RBFOX1: variants seen among roughly 807,000 people sequenced by gnomAD.
RBFOX1 encodes RNA binding protein fox-1 homolog 1.
Under a neutral mutation model 57.7 loss-of-function variants are expected in RBFOX1, and 8 were observed. The observed-to-expected ratio is 0.14, with a 90% CI of 0.08 to 0.25. The LOEUF (loss-of-function observed/expected upper bound fraction) is 0.25, where lower values mean the gene tolerates loss of function less well. Ranked by LOEUF, RBFOX1 falls within the 10% of genes least tolerant of loss-of-function variation. The pLI, the probability that RBFOX1 is intolerant of heterozygous loss-of-function variation, is 1.00. For missense variants in RBFOX1, 611 were observed against 548.5 expected, an observed-to-expected ratio of 1.11 and a Z score of -1.14; for synonymous variants, 326 against 222.4, an observed-to-expected ratio of 1.47 and a Z score of -4.15.
At chr16:7,389,105 C>T (rs191214417) in intron 4 of RBFOX1, among the ~76,000 whole-genome samples, 1 of 152,016 alleles carries the variant, frequency 6.6e-6, no homozygotes, top group Non-Finnish European at 1.5e-5. Flanking sequence ...ACAAGTTGGT[C>T]TATTTCTTTG....
intron 3 of RBFOX1, among the ~76,000 whole-genome samples, chr16:6,906,290 A>T (rs542668001): frequency 6.6e-6 from 1 of 151,342 alleles, no homozygotes; most frequent in East Asian, 2.0e-4. Context: ...TTAAATATTT[A>T]TGTCTGTTGG....
chr16:6,550,000 C>T (rs1038234820), intron 2 of RBFOX1, among the ~76,000 whole-genome samples: 1 of 152,096 alleles, frequency 6.6e-6, no homozygotes. Flanking sequence ...TGAACATTGT[C>T]TAAGAGGGGT....
intron 3 of RBFOX1, among the ~76,000 whole-genome samples, chr16:6,711,439 A>G (rs115421521): frequency 0.016 from 2,428 of 152,274 alleles, 82 homozygotes; most frequent in African/African-American, 0.055. Context: ...CTCATCTTGA[A>G]TGGTAATCCC....
intron 4 of RBFOX1, among the ~76,000 whole-genome samples, chr16:5,913,877 T>C (rs2058654600): frequency 6.6e-6 from 1 of 152,250 alleles, no homozygotes; most frequent in South Asian, 2.1e-4. Flanking sequence ...TTTGGATATA[T>C]GAATGACATC....
At chr16:5,908,393 T>C (rs12917637) in intron 4 of RBFOX1, among the ~76,000 whole-genome samples, 70,599 of 145,086 alleles carry the variant, frequency 0.49, 18,662 homozygotes, top group African/African-American at 0.65. Context: ...GACTCTGTTG[T>C]CCAGGCTGGA....
At chr16:6,403,752 A>G (rs936146688) in intron 2 of RBFOX1, among the ~76,000 whole-genome samples, 6 of 152,154 alleles carry the variant, frequency 3.9e-5, no homozygotes, top group East Asian at 1.9e-4. Context: ...ATCGAGCCCT[A>G]TGTTCATGCA....
chr16:7,417,449 A>G (rs773375153), intron 4 of RBFOX1, among the ~76,000 whole-genome samples: 2 of 151,626 alleles, frequency 1.3e-5, no homozygotes, highest in Admixed American at 6.6e-5. Context: ...TATATAACCA[A>G]AGTACACCAC....
chr16:7,241,186 C>A lies in RBFOX1; in HGVS notation c.27+189088C>A, dbSNP rs575902203. Among the ~76,000 whole-genome samples, 3 of 152,270 alleles carry A rather than the reference C, an allele frequency of 2.0e-5. No individual in the cohort carries two copies. In the South Asian group the frequency reaches 6.2e-4, roughly 32 times the overall value. ...CCACTGGAGGATTGATTATTCATAA[C>A]CCTGAAATGTATTGCCCCACCTCTA... is the stretch of plus-strand genomic sequence containing the variant. On this transcript the variant is annotated intron_variant, in intron 4 of 15. Coordinates refer to ENST00000550418, the MANE Select transcript of RBFOX1 (RefSeq NM_018723.4).
chr16:6,842,385 CCTT>C (rs1018586395), intron 3 of RBFOX1, among the ~76,000 whole-genome samples: 178 of 152,164 alleles, frequency 1.2e-3, no homozygotes, highest in African/African-American at 4.0e-3. Context: ...GAAATGTTCT[CCTT>C]ATTTAATCCA....
chr16:6,128,224 A>T (rs2096604232), intron 1 of RBFOX1, among the ~76,000 whole-genome samples: 2 of 152,352 alleles, frequency 1.3e-5, no homozygotes, highest in South Asian at 4.1e-4. Flanking sequence ...TCAATATATT[A>T]TTTAATCAAT....
chr16:7,386,549 A>G (rs943987224), intron 4 of RBFOX1, among the ~76,000 whole-genome samples: 1 of 151,800 alleles, frequency 6.6e-6, no homozygotes, highest in Non-Finnish European at 1.5e-5. Flanking sequence ...TGCAAAGGAC[A>G]TGATCTCATG....
intron 3 of RBFOX1, among the ~76,000 whole-genome samples, chr16:6,679,688 C>T (rs1430819648): frequency 6.6e-6 from 1 of 152,112 alleles, no homozygotes. Context: ...TCTAAACTAA[C>T]CACCACACCA....
rs955186796 is a variant in RBFOX1, at chr16:6,974,897, G to C, written c.-15-77160G>C. Among the ~76,000 whole-genome samples the C allele has an allele frequency of 2.6e-5, 4 of 152,230 alleles. No homozygotes were observed. The South Asian group carries it at 8.3e-4, about 32-fold the overall frequency. ...TTTCTTTCTGCAAATAGCTGCGTGA[G>C]AAATCCAGCATGTCCTGGACCCTCC... On this transcript the variant is annotated intron_variant, in intron 3 of 15. Transcript: ENST00000550418.
At chr16:6,612,337 C>A (rs1328577936) in intron 2 of RBFOX1, among the ~76,000 whole-genome samples, 2 of 152,110 alleles carry the variant, frequency 1.3e-5, no homozygotes, top group Non-Finnish European at 2.9e-5. Context: ...AAACTGCAGG[C>A]ATACGTTTTT....
chr16:6,848,824 G>A (rs9936001), intron 3 of RBFOX1, among the ~76,000 whole-genome samples: 73,184 of 152,002 alleles, frequency 0.48, 18,640 homozygotes, highest in African/African-American at 0.64. Context: ...GAGCAGGCCA[G>A]TGATTAGTGT....
In RBFOX1 at chr16:7,712,511, G is replaced by C. The variant is rs544226393; in HGVS notation, c.*1766G>C. 4.6e-5 allele frequency: 7 copies of C among 152,624 alleles called. No individual in the cohort carries two copies. Among genetic ancestry groups the C allele is most frequent in the African/African-American group, 1.7e-4 (7 of 41,532 alleles). The allele number at this position is 152,624 out of a possible 1,614,324, so 9.5% of individuals were successfully genotyped here. A position where few individuals can be genotyped will look rare whatever the true frequency, so the allele number is the denominator to read the frequency against. On this transcript the variant is annotated 3_prime_UTR_variant, in exon 16 of 16. Coordinates refer to ENST00000550418, the MANE Select transcript of RBFOX1 (RefSeq NM_018723.4). ...CACAAGATTTGAAAACAAAGTTTCTGTAGCTTCGATACCTAAGACAGACGA... is the reference window on the plus strand; with the variant it reads ...CACAAGATTTGAAAACAAAGTTTCTCTAGCTTCGATACCTAAGACAGACGA...
intron 4 of RBFOX1, among the ~76,000 whole-genome samples, chr16:7,256,107 G>C (rs1438044403): frequency 6.6e-6 from 1 of 152,208 alleles, no homozygotes; most frequent in Non-Finnish European, 1.5e-5. Context: ...AATAGGGAGT[G>C]GTGAGCTTCT....
chr16:6,500,014 C>A (rs762692229), intron 2 of RBFOX1, among the ~76,000 whole-genome samples: 1 of 152,010 alleles, frequency 6.6e-6, no homozygotes, highest in Non-Finnish European at 1.5e-5. Flanking sequence ...TTCTAGAAAC[C>A]CTTATCACTG....
chr16:5,725,555 A>C (rs980686288), intron 3 of RBFOX1, among the ~76,000 whole-genome samples: 1 of 151,604 alleles, frequency 6.6e-6, no homozygotes, highest in Admixed American at 6.6e-5. Flanking sequence ...GAGCCACTGC[A>C]CCCAGCTCAT....
Sources: gnomAD v4.1 joint callset for allele counts (sites outside exome capture counted in the v4.1 genomes callset) on GRCh38, gnomAD v4.1.1 for gene constraint, MANE v1.5 for transcripts, NCBI Gene and HGNC (gene_info 2026-07-23, HGNC 2026-07-21) for gene names.